The following ACAT1 variants were observed in gnomAD, a reference collection of about 807,000 sequenced individuals.
The protein encoded by ACAT1 is acetyl-CoA acetyltransferase, mitochondrial.
ACAT1 carries 28 observed loss-of-function variants against 47.3 expected under a neutral mutation model. The observed-to-expected ratio is 0.59, with a 90% CI of 0.44 to 0.81. The LOEUF (loss-of-function observed/expected upper bound fraction) is 0.81. Among genes scored for constraint, ACAT1 ranks in the 30% least tolerant of loss-of-function variants. ACAT1 has a pLI of 0.00. For missense variants in ACAT1, 469 were observed against 524.3 expected (o/e 0.89, Z 1.03); for synonymous variants, 181 against 173.6 (o/e 1.04, Z -0.34).
At chr11:108,145,891 C>A (rs542489858) in intron 10 of ACAT1, among the ~76,000 whole-genome samples, 4 of 152,032 alleles carry the variant, frequency 2.6e-5, no homozygotes, top group Admixed American at 6.5e-5. Flanking sequence ...ACTAAAAATA[C>A]AAAAAATTAG....
chr11:108,141,014 C>A (rs1280176903), intron 7 of ACAT1, among the ~76,000 whole-genome samples: 1 of 151,918 alleles, frequency 6.6e-6, no homozygotes, highest in Admixed American at 6.6e-5. Flanking sequence ...TTGCTTGAGC[C>A]CAGGAGTTTG....
intron 5 of ACAT1, chr11:108,136,352 C>T: frequency 5.5e-6 from 2 of 366,600 alleles, no homozygotes; most frequent in Non-Finnish European, 9.7e-6. Context: ...AGGATTTGAA[C>T]ATTTTGGTAT....
At chr11:108,126,791 CTTTT>C (rs766192283) in intron 1 of ACAT1, among the ~76,000 whole-genome samples, 2 of 114,562 alleles carry the variant, frequency 1.7e-5, no homozygotes, top group Non-Finnish European at 3.5e-5. Flanking sequence ...AACAGGTTTT[CTTTT>C]TTTTTTTTTT....
At chr11:108,142,658 G>C (rs2077614837) in intron 9 of ACAT1, 108 bp downstream of exon 9, 3 of 856,490 alleles carry the variant, frequency 3.5e-6, no homozygotes, top group African/African-American at 3.4e-5. Flanking sequence ...GCAATATAGT[G>C]AGACTTCGTC....
chr11:108,118,375 ACTTT>A (rs755808704), upstream of ACAT1, among the ~76,000 whole-genome samples: 102 of 151,528 alleles, frequency 6.7e-4, no homozygotes, highest in African/African-American at 2.3e-3. Flanking sequence ...TAATCTAGTC[ACTTT>A]CTTTTTTTTT....
rs186682053 is a variant in ACAT1, at chr11:108,134,901, C to T, written c.335-241C>T. On this transcript the variant is annotated intron_variant, in intron 4 of 11. Transcript: ENST00000265838. ...TGGAGCTTGCAGTGAGCCCAGATCG[C>T]GCCACTGCACGCCAGCTTGGGGGAC... Among the ~76,000 whole-genome samples, 457 of 140,744 alleles carry T rather than the reference C, an allele frequency of 3.2e-3. 7 individuals carry two copies. The highest frequency in any genetic ancestry group is 0.011 in the African/African-American group (386 of 36,672). 92.3% of individuals were successfully genotyped at this position (140,744 alleles called of 152,430 possible). A position where few individuals can be genotyped will look rare whatever the true frequency, so the allele number is the denominator to read the frequency against.
intron 1 of ACAT1, chr11:108,128,038 AG>A (rs1210539294): frequency 6.6e-6 from 1 of 152,042 alleles, no homozygotes; most frequent in Non-Finnish European, 1.5e-5. Flanking sequence ...TGAGCTGGTA[AG>A]CCCAGGCTCT....
In ACAT1 at chr11:108,143,998, C is replaced by T; in HGVS notation, c.956C>T (p.Ala319Val). 2 of 670,324 alleles carry T rather than the reference C, an allele frequency of 3.0e-6. No homozygotes were observed. The highest frequency in any genetic ancestry group is 5.0e-6 in the Non-Finnish European group (2 of 396,726). 41.5% of individuals were successfully genotyped at this position (670,324 alleles called of 1,614,324 possible). The change falls in exon 10 of 12, where the codon GCT becomes GTT. Residue 319 changes from alanine (A) to valine (V), a missense_variant. Ala to Val is a moderately conservative substitution (Grantham distance 64). Transcript: ENST00000265838. ...TTTTAAACAGCATTTGCTGACGCTGCTGTAGAACCTATTGATTTTCCAATT... is the reference window on the plus strand; with the variant it reads ...TTTTAAACAGCATTTGCTGACGCTGTTGTAGAACCTATTGATTTTCCAATT... ...LARIVAFADA[A>V]VEPIDFPIAP...
In ACAT1 at chr11:108,141,681, A is replaced by G. The variant is rs2134768930; in HGVS notation, c.807A>G (p.Thr269=). 6.2e-7 allele frequency: 1 copy of G among 1,613,068 alleles called. No homozygotes were observed. Among genetic ancestry groups the G allele is most frequent in the Non-Finnish European group, 8.5e-7 (1 of 1,179,314 alleles). ...TTAGCAAAGTTCCAAAGCTGAAGACAGTTTTCCAGAAAGAAAATGGTTAGT... is the reference window on the plus strand; with the variant it reads ...TTAGCAAAGTTCCAAAGCTGAAGACGGTTTTCCAGAAAGAAAATGGTTAGT... The part of the protein sequence containing the change: ...VDFSKVPKLK[T]VFQKENGTVT... Residue 269 remains threonine (T), a synonymous_variant, in exon 8 of 12, where the codon ACA becomes ACG. Coordinates refer to ENST00000265838, the MANE Select transcript of ACAT1 (RefSeq NM_000019.4).
intron 4 of ACAT1, 21 bp downstream of exon 4, chr11:108,134,337 CT>C: frequency 6.3e-7 from 1 of 1,594,954 alleles, no homozygotes. Context: ...GACTTTTTTG[CT>C]TTTATACTTA....
At chr11:108,119,200 T>C (rs1336308731), upstream of ACAT1, among the ~76,000 whole-genome samples, 1 of 145,612 alleles carries the variant, frequency 6.9e-6, no homozygotes, top group Admixed American at 6.8e-5. Context: ...GTAACCAGTC[T>C]TTTTTTTTTT....
chr11:108,117,511 G>A (rs1864976234), upstream of ACAT1, among the ~76,000 whole-genome samples: 1 of 152,012 alleles, frequency 6.6e-6, no homozygotes, highest in African/African-American at 2.4e-5. Context: ...GTTTCACCAT[G>A]TTAGCCGGGC....
intron 4 of ACAT1, among the ~76,000 whole-genome samples, 198 bp from the exon 5 acceptor site, chr11:108,134,944 C>CAAAAA (rs56229925): frequency 3.7e-5 from 3 of 81,372 alleles, no homozygotes; most frequent in African/African-American, 1.6e-4. Flanking sequence ...GACTCCGTCT[C>CAAAAA]AAAAAAAAAA....
intron 9 of ACAT1, chr11:108,142,933 G>T: frequency 4.8e-6 from 1 of 207,276 alleles, no homozygotes; most frequent in South Asian, 8.2e-5. Flanking sequence ...TTACTACCTA[G>T]GTTGTACTTG....
chr11:108,136,061 T>C, intron 5 of ACAT1: 1 of 674,774 alleles, frequency 1.5e-6, no homozygotes, highest in Admixed American at 2.4e-5. Context: ...TATCTTGTCT[T>C]TACTTGAGAT....
rs1316940291 is a variant in ACAT1, at chr11:108,147,321, A to C, written c.1215A>C (p.Gly405=). 1 of 1,614,014 alleles carries C rather than the reference A, an allele frequency of 6.2e-7. No individual in the cohort carries two copies. Residue 405 remains glycine (G), a synonymous_variant, in exon 12 of 12, where the codon GGA becomes GGC. Coordinates refer to ENST00000265838, the MANE Select transcript of ACAT1 (RefSeq NM_000019.4). ...VGHLTHALKQ[G]EYGLASICNG... is the part of the protein sequence containing the mutation. ...ATTTGACTCATGCCTTGAAGCAAGG[A>C]GAATACGGTCTTGCCAGTATTTGCA...
At chr11:108,122,404 G>C (rs554248316) in intron 1 of ACAT1, among the ~76,000 whole-genome samples, 5 of 152,376 alleles carry the variant, frequency 3.3e-5, no homozygotes, top group Non-Finnish European at 7.3e-5. Context: ...AATAGGTAGA[G>C]ACCTTCAGGG....
In ACAT1 at chr11:108,141,504, G is replaced by A. The variant is rs2077585034; in HGVS notation, c.731-101G>A. Reference sequence around the variant, plus strand: ...CTTGGGATGGTTTAAGTGAAGCAGGGATACAAAGGGAGGCACAGACTACTA... The same window carrying A: ...CTTGGGATGGTTTAAGTGAAGCAGGAATACAAAGGGAGGCACAGACTACTA... On this transcript the variant is annotated intron_variant, in intron 7 of 11. Coordinates refer to ENST00000265838, the MANE Select transcript of ACAT1 (RefSeq NM_000019.4). 25 of 796,564 alleles carry A rather than the reference G, an allele frequency of 3.1e-5. 1 individual carries two copies. In the South Asian group the frequency reaches 3.5e-4, roughly 11 times the overall value. 49.3% of individuals were successfully genotyped at this position (796,564 alleles called of 1,614,324 possible). A position where few individuals can be genotyped will look rare whatever the true frequency, so the allele number is the denominator to read the frequency against.
chr11:108,118,347 A>G (rs554374368), upstream of ACAT1, among the ~76,000 whole-genome samples: 12 of 151,902 alleles, frequency 7.9e-5, no homozygotes, highest in East Asian at 1.2e-3. Context: ...CTCCATTTCT[A>G]TTTCACAGAA....
Sources: allele counts gnomAD v4.1 joint callset (sites outside exome capture counted in the v4.1 genomes callset), GRCh38; gene constraint gnomAD v4.1.1; transcripts MANE v1.5; gene names NCBI Gene and HGNC (gene_info 2026-07-23, HGNC 2026-07-21).